WDR19: variants seen among roughly 807,000 people sequenced by gnomAD.
WDR19 encodes WD repeat-containing protein 19.
A neutral mutation model predicts 180.0 loss-of-function variants in WDR19; 121 were observed. The ratio of observed to expected loss-of-function variants is 0.67; its 90% CI spans 0.58 to 0.78. WDR19 has a LOEUF of 0.78. Among genes scored for constraint, WDR19 ranks in the 30% least tolerant of loss-of-function variants. The pLI is 0.00. For missense variants in WDR19, 1,450 were observed against 1,640.7 expected (o/e 0.88, Z 2.01); for synonymous variants, 497 against 540.7 (o/e 0.92, Z 1.12).
intron 24 of WDR19, among the ~76,000 whole-genome samples, chr4:39,246,414 C>T (rs1388345176): frequency 2.0e-5 from 3 of 152,168 alleles, no homozygotes; most frequent in South Asian, 2.1e-4. Flanking sequence ...CAGTCTATAG[C>T]GCCCAGCATG....
In WDR19 at chr4:39,199,509, T is replaced by C. The variant is rs183950055; in HGVS notation, c.438T>C (p.Cys146=). 5.6e-6 allele frequency: 9 copies of C among 1,613,336 alleles called. No homozygotes were observed. In the Admixed American group the frequency reaches 8.3e-5, roughly 15 times the overall value. The change falls in exon 6 of 37, where the codon TGT becomes TGC. Residue 146 remains cysteine (C), a synonymous_variant. Transcript: ENST00000399820. ...GKHTKRITCG[C]WNAENLLALG... ...ATACTAAGAGAATCACTTGTGGATG[T>C]TGGAATGCAGAAAATCTGCTTGCTT...
In WDR19 at chr4:39,185,564, G is replaced by A; in HGVS notation, c.7-162G>A. ...TATGTTTAGTTGGTTGGTTGATTTT[G>A]TTTTATTTCTTTTGTTGTTAACTTC... On this transcript the variant is annotated intron_variant, in intron 1 of 36. Coordinates refer to ENST00000399820, the MANE Select transcript of WDR19 (RefSeq NM_025132.4). 3 of 592,460 alleles carry A rather than the reference G, an allele frequency of 5.1e-6. 1 individual carries two copies. The South Asian group carries it at 7.1e-5, about 14-fold the overall frequency. The allele number at this position is 592,460 out of a possible 1,614,324, so 36.7% of individuals were successfully genotyped here.
intron 17 of WDR19, among the ~76,000 whole-genome samples, chr4:39,231,507 T>C (rs1730857832): frequency 6.6e-6 from 1 of 152,154 alleles, no homozygotes; most frequent in African/African-American, 2.4e-5. Context: ...ATAATATTCA[T>C]CTATGTGTGA....
chr4:39,281,215 G>GTGTGTGTGTGTGTGTGTGTATATATATA (rs1167602972), intron 36 of WDR19, among the ~76,000 whole-genome samples: 2 of 110,118 alleles, frequency 1.8e-5, no homozygotes, highest in African/African-American at 8.5e-5. Context: ...ATGTGTGTGT[G>GTGTGTGTGTGTGTGTGTGTATATATATA]TATATATATA....
At chr4:39,264,610 C>T (rs1396212893) in intron 28 of WDR19, among the ~76,000 whole-genome samples, 2 of 152,184 alleles carry the variant, frequency 1.3e-5, no homozygotes, top group East Asian at 3.9e-4. Flanking sequence ...GCTGAGTCCC[C>T]AGTGATCATC....
intron 23 of WDR19, among the ~76,000 whole-genome samples, chr4:39,245,017 A>G (rs1255610666): frequency 6.7e-6 from 1 of 148,346 alleles, no homozygotes; most frequent in Admixed American, 6.8e-5. Flanking sequence ...GCTCACTGCA[A>G]CCTCCACCTC....
intron 24 of WDR19, among the ~76,000 whole-genome samples, chr4:39,251,063 C>T (rs575419744): frequency 6.6e-6 from 1 of 152,120 alleles, no homozygotes; most frequent in South Asian, 2.1e-4. Flanking sequence ...CAATCCTAAG[C>T]CAAAAGAACA....
chr4:39,241,080 G>T (rs1229679855), intron 21 of WDR19, among the ~76,000 whole-genome samples: 1 of 151,850 alleles, frequency 6.6e-6, no homozygotes, highest in African/African-American at 2.4e-5. Context: ...ATGACCCACT[G>T]TGCCACCTCT....
chr4:39,207,646 G>A (rs186535256), intron 9 of WDR19, among the ~76,000 whole-genome samples: 45 of 152,248 alleles, frequency 3.0e-4, no homozygotes, highest in Admixed American at 5.2e-4. Context: ...TTCTTTATCC[G>A]GTGACAATGT....
chr4:39,250,335 T>A (rs2109427304), intron 24 of WDR19, among the ~76,000 whole-genome samples: 1 of 152,284 alleles, frequency 6.6e-6, no homozygotes, highest in East Asian at 1.9e-4. Flanking sequence ...CTCAATAATT[T>A]AGGTATTGAT....
At chr4:39,240,971 A>C (rs1026735979) in intron 21 of WDR19, among the ~76,000 whole-genome samples, 2 of 151,310 alleles carry the variant, frequency 1.3e-5, no homozygotes, top group African/African-American at 4.9e-5. Flanking sequence ...AAAAAAAAAA[A>C]AGTTTCAGTA....
intron 28 of WDR19, 146 bp from the exon 29 acceptor site, chr4:39,265,917 T>C (rs575365738): frequency 5.4e-5 from 33 of 612,602 alleles, no homozygotes; most frequent in East Asian, 3.8e-4. Flanking sequence ...AGAAAGGCCC[T>C]GATCCTATGT....
At chr4:39,219,255 C>T (rs911133395) in intron 14 of WDR19, 5 of 152,126 alleles carry the variant, frequency 3.3e-5, no homozygotes, top group Non-Finnish European at 7.3e-5. Flanking sequence ...TGGCAGCACA[C>T]GAGGTTTGTT....
At position 39,220,560 on chromosome 4, in the gene WDR19, A is replaced by ATTTTTT. The variant is rs142037096; in HGVS notation, c.1479+2474_1479+2479dup. Among the ~76,000 whole-genome samples, 45 of 64,380 alleles carry ATTTTTT rather than the reference A, an allele frequency of 7.0e-4. 2 individuals are homozygous for ATTTTTT. The highest frequency in any genetic ancestry group is 1.2e-3 in the African/African-American group (17 of 13,778). The allele number at this position is 64,380 out of a possible 152,430, so 42.2% of individuals were successfully genotyped here. ...TTTTTTTTAGAAACAGACCTCCTTG[A>ATTTTTT]TTTTTTTTTTTTTTTTTTTTTTTTG... On this transcript the variant is annotated intron_variant, in intron 14 of 36. Transcript: ENST00000399820.
chr4:39,263,369 C>A (rs1373563253), intron 28 of WDR19, among the ~76,000 whole-genome samples: 9 of 152,174 alleles, frequency 5.9e-5, no homozygotes, highest in Non-Finnish European at 1.3e-4. Flanking sequence ...TATACTACGT[C>A]TTTCTGGACA....
intron 9 of WDR19, among the ~76,000 whole-genome samples, chr4:39,209,599 C>T (rs927928973): frequency 2.6e-5 from 4 of 151,562 alleles, no homozygotes; most frequent in Admixed American, 6.6e-5. Context: ...ATAATCCCAG[C>T]TACTCGGGAG....
At position 39,205,615 on chromosome 4, in the gene WDR19, A is replaced by C; in HGVS notation, c.769A>C (p.Ile257Leu). The stretch of plus-strand genomic sequence containing the variant: ...TTTTTCATGTGGACATTTTGTGGTC[A>C]TTTCTACTCATACTGGAGAGCTTGG... ...IGFSCGHFVVISTHTGELGQE... is the reference protein window; with the variant it reads ...IGFSCGHFVVLSTHTGELGQE... Residue 257 changes from isoleucine to leucine, a missense_variant, in exon 9 of 37, where the codon ATT becomes CTT. Coordinates refer to ENST00000399820, the MANE Select transcript of WDR19 (RefSeq NM_025132.4). 1 of 1,613,394 alleles carries C rather than the reference A, an allele frequency of 6.2e-7. No homozygotes were observed. Among genetic ancestry groups the C allele is most frequent in the Non-Finnish European group, 8.5e-7 (1 of 1,179,672 alleles).
chr4:39,249,842 G>A (rs1031716429), intron 24 of WDR19, among the ~76,000 whole-genome samples: 1 of 152,092 alleles, frequency 6.6e-6, no homozygotes, highest in Non-Finnish European at 1.5e-5. Context: ...CTGAAATTGA[G>A]GCAATAATTA....
At chr4:39,240,381 T>C in intron 21 of WDR19, 47 bp downstream of exon 21, 1 of 1,185,454 alleles carries the variant, frequency 8.4e-7, no homozygotes. Flanking sequence ...TCTGGGTTTG[T>C]TTTCAGTTTC....
Sources: gnomAD v4.1 joint callset for allele counts (sites outside exome capture counted in the v4.1 genomes callset) on GRCh38, gnomAD v4.1.1 for gene constraint, MANE v1.5 for transcripts, NCBI Gene and HGNC (gene_info 2026-07-23, HGNC 2026-07-21) for gene names.